Variants in CCDC180 observed in about 807,000 individuals in gnomAD.
CCDC180 encodes coiled-coil domain-containing protein 180.
CCDC180 carries 154 observed loss-of-function variants against 209.2 expected under a neutral mutation model. The observed-to-expected ratio is 0.74, with a 90% CI of 0.65 to 0.84. The LOEUF is 0.84. CCDC180 is among the 40% of genes least tolerant of loss of function. The pLI, the probability that CCDC180 is intolerant of heterozygous loss-of-function variation, is 0.00. For missense variants in CCDC180, 1,874 were observed against 1,997.3 expected (o/e 0.94, Z 1.18); for synonymous variants, 778 against 749.1 (o/e 1.04, Z -0.63).
chr9:97,370,611 G>A, intron 32 of CCDC180, 30 bp from the exon 33 acceptor site: 1 of 1,610,096 alleles, frequency 6.2e-7, no homozygotes, highest in Admixed American at 1.7e-5. Context: ...GGTTAACATT[G>A]CCACTGAATT....
chr9:97,320,219 G>T lies in CCDC180; in HGVS notation c.1159+14G>T. ...ACAAGGAGCTAGGTGAGTGACGTCT[G>T]CAGGACTCCACCTGCATTTCTCCAG... is the stretch of plus-strand genomic sequence containing the variant. On this transcript the variant is annotated intron_variant, in intron 11 of 36. Transcript: ENST00000529487. 6.2e-7 allele frequency: 1 copy of T among 1,608,368 alleles called. No individual in the cohort carries two copies. Among genetic ancestry groups the T allele is most frequent in the East Asian group, 2.2e-5 (1 of 44,864 alleles).
intron 3 of CCDC180, among the ~76,000 whole-genome samples, chr9:97,309,965 G>A (rs539585521): frequency 6.6e-6 from 1 of 152,306 alleles, no homozygotes; most frequent in Admixed American, 6.5e-5. Context: ...TGAGGAGGAG[G>A]ATCAGCTGAA....
chr9:97,320,151 A>C lies in CCDC180; in HGVS notation c.1105A>C (p.Lys369Gln), dbSNP rs1465491369. The change falls in exon 11 of 37, where the codon AAA (lysine) becomes CAA (glutamine). Residue 369 changes from lysine to glutamine, a missense_variant. Coordinates refer to ENST00000529487, the MANE Select transcript of CCDC180 (RefSeq NM_020893.6). ...ICDLLPPSYS[K>Q]TQLTEWHSSL... ...TGACCTCCTGCCCCCCAGTTACAGC[A>C]AAACTCAGCTGACTGAGTGGCATTC... The C allele has an allele frequency of 3.1e-6, 5 of 1,614,078 alleles. No homozygotes were observed. Among genetic ancestry groups the C allele is most frequent in the African/African-American group, 1.3e-5 (1 of 74,922 alleles).
At chr9:97,307,438 G>A (rs1832828249), upstream of CCDC180, 1 of 587,796 alleles carries the variant, frequency 1.7e-6, no homozygotes, top group African/African-American at 1.8e-5. Context: ...ACCGGGCTCA[G>A]GGGGACGGCC....
chr9:97,365,890 G>T, intron 30 of CCDC180, 151 bp downstream of exon 30: 1 of 659,180 alleles, frequency 1.5e-6, no homozygotes. Flanking sequence ...ACCTCCCTAT[G>T]AGTTTTTTTC....
At chr9:97,315,018 G>T in intron 8 of CCDC180, 72 bp downstream of exon 8, 4 of 1,153,934 alleles carry the variant, frequency 3.5e-6, no homozygotes, top group Non-Finnish European at 5.2e-6. Flanking sequence ...GGCACCCCGA[G>T]CCTGGTGTCT....
intron 20 of CCDC180, chr9:97,347,731 A>G: frequency 6.3e-6 from 3 of 473,530 alleles, no homozygotes; most frequent in Non-Finnish European, 1.1e-5. Context: ...AGAGGGTGTT[A>G]TAGTTGAAAA....
At position 97,330,748 on chromosome 9, in the gene CCDC180, A is replaced by G; in HGVS notation, c.2255A>G (p.Glu752Gly). ...GAGAAGGAGGCACAGGAAGAGCAAG[A>G]GAGTTTATCTGTGGGTGAGGTAAGC... ...KEEKEAQEEQESLSVGEEEDK... is the reference protein window; with the variant it reads ...KEEKEAQEEQGSLSVGEEEDK... Residue 752 changes from glutamate to glycine, a missense_variant, in exon 18 of 37, where the codon GAG becomes GGG. Physicochemically the swap from Glu to Gly is moderately conservative, Grantham distance 98 (BLOSUM62 -2). Transcript: ENST00000529487. 4 of 1,600,508 alleles carry G rather than the reference A, an allele frequency of 2.5e-6. No homozygotes were observed. The highest frequency in any genetic ancestry group is 1.7e-5 in the Admixed American group (1 of 59,858).
chr9:97,367,832 C>G (rs923396418), intron 31 of CCDC180, among the ~76,000 whole-genome samples: 4 of 152,164 alleles, frequency 2.6e-5, no homozygotes, highest in African/African-American at 9.7e-5. Flanking sequence ...CCGCAGAAGG[C>G]CTTCTTGAGG....
Position 97,364,094 on chromosome 9 carries a change from C to T in CCDC180, c.3946C>T (p.Arg1316Trp), listed in dbSNP as rs767964082. ...GCCCAACAAAATGGAGAGAAAGTACCGGGTGCTTGGGGACAAGCCTCCCCC... is the reference window on the plus strand; with the variant it reads ...GCCCAACAAAATGGAGAGAAAGTACTGGGTGCTTGGGGACAAGCCTCCCCC... Reference protein sequence around the residue: ...PKPNKMERKYRVLGDKPPPAA... With the variant: ...PKPNKMERKYWVLGDKPPPAA... Residue 1316 changes from arginine (R) to tryptophan (W), a missense_variant, in exon 29 of 37, where the codon CGG becomes TGG. By Grantham distance (101) the Arg-to-Trp change is moderately radical (BLOSUM62 -3). Coordinates refer to ENST00000529487, the MANE Select transcript of CCDC180 (RefSeq NM_020893.6). 16 of 1,613,992 alleles carry T rather than the reference C, an allele frequency of 9.9e-6. No homozygotes were observed. The highest frequency in any genetic ancestry group is 1.3e-5 in the African/African-American group (1 of 74,918).
At chr9:97,345,492 C>G in intron 19 of CCDC180, 12 of 373,730 alleles carry the variant, frequency 3.2e-5, no homozygotes, top group South Asian at 2.3e-4. Context: ...ACTCATTGGG[C>G]CATTTGGTTA....
chr9:97,320,293 C>G, intron 11 of CCDC180, 88 bp downstream of exon 11: 1 of 1,222,994 alleles, frequency 8.2e-7, no homozygotes, highest in Non-Finnish European at 1.2e-6. Context: ...TGAGTGGCGC[C>G]GCCATCATGG....
At chr9:97,352,520 A>T (rs561489830) in intron 22 of CCDC180, among the ~76,000 whole-genome samples, 1 of 152,248 alleles carries the variant, frequency 6.6e-6, no homozygotes, top group African/African-American at 2.4e-5. Context: ...AGACAGGTGA[A>T]CTTTAGAGAA....
At chr9:97,345,624 G>A in intron 19 of CCDC180, 1 of 406,626 alleles carries the variant, frequency 2.5e-6, no homozygotes, top group South Asian at 1.8e-5. Context: ...GGTGGTGTGT[G>A]CCTGTAATTC....
At position 97,354,893 on chromosome 9, in the gene CCDC180, C is replaced by T. The variant is rs1188208806; in HGVS notation, c.3149C>T (p.Ala1050Val). 3.1e-6 allele frequency: 5 copies of T among 1,607,632 alleles called. No individual in the cohort carries two copies. Among genetic ancestry groups the T allele is most frequent in the Non-Finnish European group, 3.4e-6 (4 of 1,174,024 alleles). Residue 1050 changes from alanine to valine, a missense_variant and splice_region_variant, in exon 24 of 37, where the codon GCC (alanine) becomes GTC (valine). Transcript: ENST00000529487. ...TTTACCCTTTATCTCTCTGTACAGG[C>T]CAATGATGTCATCAACAAGTTTGAA... The part of the protein sequence containing the change: ...EKLENEYLDQ[A>V]NDVINKFESK...
chr9:97,328,898 A>G (rs1311698988), intron 16 of CCDC180, among the ~76,000 whole-genome samples: 1 of 152,236 alleles, frequency 6.6e-6, no homozygotes, highest in African/African-American at 2.4e-5. Flanking sequence ...CATTAGCACA[A>G]GGGTCTTGCA....
At chr9:97,350,209 G>T (rs1826384175) in intron 21 of CCDC180, among the ~76,000 whole-genome samples, 200 bp from the exon 22 acceptor site, 1 of 150,534 alleles carries the variant, frequency 6.6e-6, no homozygotes, top group African/African-American at 2.5e-5. Flanking sequence ...CCCCCAGGAA[G>T]GTCACCTATC....
At chr9:97,355,742 G>T (rs1290966677) in intron 24 of CCDC180, among the ~76,000 whole-genome samples, 1 of 152,194 alleles carries the variant, frequency 6.6e-6, no homozygotes, top group African/African-American at 2.4e-5. Flanking sequence ...GGAGAAGGTG[G>T]CTGCGTGGGG....
intron 14 of CCDC180, among the ~76,000 whole-genome samples, chr9:97,325,663 T>C (rs569279047): frequency 3.9e-5 from 6 of 152,348 alleles, no homozygotes; most frequent in Non-Finnish European, 7.3e-5. Context: ...TGTGCCTTTC[T>C]ATGTGCGGTT....
Sources: gnomAD v4.1 joint callset for allele counts (sites outside exome capture counted in the v4.1 genomes callset) on GRCh38, gnomAD v4.1.1 for gene constraint, MANE v1.5 for transcripts, NCBI Gene and HGNC (gene_info 2026-07-23, HGNC 2026-07-21) for gene names.